Variants in TVP23A observed in about 807,000 individuals in gnomAD.
TVP23A encodes the protein trans-golgi network vesicle protein 23 homolog A, also known as Golgi apparatus membrane protein TVP23 homolog A.
A neutral mutation model predicts 31.7 loss-of-function variants in TVP23A; 21 were observed. That is an observed-to-expected ratio of 0.66 (90% CI 0.47 to 0.95). The LOEUF (loss-of-function observed/expected upper bound fraction) is 0.95. TVP23A is among the 40% of genes least tolerant of loss of function. TVP23A has a pLI of 0.00. For synonymous variants in TVP23A, 104 were observed against 96.0 expected (o/e 1.08, Z -0.49); for missense variants, 279 against 255.6 (o/e 1.09, Z -0.62).
downstream of TVP23A, among the ~76,000 whole-genome samples, chr16:10,765,770 T>C (rs955348600): frequency 3.3e-5 from 5 of 152,246 alleles, no homozygotes; most frequent in African/African-American, 1.2e-4. The surrounding 1 kb of genome is among the most constrained non-coding windows in gnomAD (Gnocchi z 4.0). Context: ...CAAGAGCTAA[T>C]TTCAAAGCAG....
chr16:10,762,818 G>A (rs1596468924), downstream of TVP23A, among the ~76,000 whole-genome samples: 1 of 152,076 alleles, frequency 6.6e-6, no homozygotes, highest in African/African-American at 2.4e-5. Context: ...CGCGTGCTTG[G>A]GGAGAGGGCG....
downstream of TVP23A, among the ~76,000 whole-genome samples, chr16:10,764,553 A>G (rs62027823): frequency 7.2e-6 from 1 of 138,836 alleles, no homozygotes; most frequent in Non-Finnish European, 1.5e-5. Flanking sequence ...GTATTTGTCT[A>G]TTGGAGCATC....
At chr16:10,773,936 G>T (rs1033830204) in intron 4 of TVP23A, 103 bp downstream of exon 4, 3 of 917,858 alleles carry the variant, frequency 3.3e-6, no homozygotes, top group African/African-American at 1.7e-5. Context: ...TGGCTTTTGT[G>T]TAAGGCAGGA....
rs369235815 is a variant in TVP23A at position 10,773,379 on chromosome 16, T to A, written c.387A>T (p.Ile129=). 6.2e-7 allele frequency: 1 copy of A among 1,612,274 alleles called. No homozygotes were observed. The highest frequency in any genetic ancestry group is 1.1e-5 in the South Asian group (1 of 90,404). Residue 129 remains isoleucine, a synonymous_variant, in exon 5 of 8, where the codon ATA becomes ATT. Coordinates refer to ENST00000299866, the MANE Select transcript of TVP23A (RefSeq NM_001079512.4). Reference sequence around the variant, plus strand: ...ACACAATCCATATCATGGGGCAGATTATGAGGCCCAGCCAGAAGATTCGTG... The same window carrying A: ...ACACAATCCATATCATGGGGCAGATAATGAGGCCCAGCCAGAAGATTCGTG... ...AEARIFWLGL[I]ICPMIWIVFF... is the part of the protein sequence containing the mutation.
chr16:10,774,793 T>C (rs185461251), intron 3 of TVP23A, among the ~76,000 whole-genome samples, 159 bp downstream of exon 3: 65 of 152,070 alleles, frequency 4.3e-4, no homozygotes, highest in African/African-American at 1.5e-3. Flanking sequence ...GTATTTTTAG[T>C]AGAGACGGGG....
Position 10,779,418 on chromosome 16 carries a change from G to A in TVP23A, c.90-4322C>T, listed in dbSNP as rs554416373. On this transcript the variant is annotated intron_variant, in intron 2 of 7. Transcript: ENST00000299866. The surrounding 1 kb of genome is among the most constrained non-coding windows in gnomAD (Gnocchi z 4.9). ...GTCCTGTCCACTCGTCTCTGCCATC[G>A]GGTCCTCCATCCTCCTGCTCCCCAG... Among the ~76,000 whole-genome samples the A allele has an allele frequency of 2.0e-5, 3 of 151,890 alleles. No homozygotes were observed. The highest frequency in any genetic ancestry group is 1.9e-4 in the East Asian group (1 of 5,170).
intron 2 of TVP23A, among the ~76,000 whole-genome samples, chr16:10,797,185 T>C (rs2033435116): frequency 1.4e-5 from 2 of 147,994 alleles, no homozygotes; most frequent in Non-Finnish European, 3.0e-5. Flanking sequence ...CAAGACCCTG[T>C]AGAAAAAAAA....
downstream of TVP23A, among the ~76,000 whole-genome samples, chr16:10,757,655 A>T (rs1900647615): frequency 6.6e-6 from 1 of 152,196 alleles, no homozygotes; most frequent in Non-Finnish European, 1.5e-5. This position sits in a 1 kb window ranked among gnomAD's most constrained non-coding sequence, Gnocchi z 4.1. Flanking sequence ...CAAAGGCACA[A>T]AAAGATCAGA....
At chr16:10,793,420 T>C (rs538482165) in intron 2 of TVP23A, among the ~76,000 whole-genome samples, 1 of 152,246 alleles carries the variant, frequency 6.6e-6, no homozygotes, top group South Asian at 2.1e-4. Flanking sequence ...GTGTGTGGCT[T>C]CTAACCCTTC....
rs1445358445 is a variant in TVP23A at position 10,767,570 on chromosome 16, C to T, written c.*1532G>A. The T allele has an allele frequency of 2.2e-6, 1 of 448,040 alleles. No homozygotes were observed. Among genetic ancestry groups the T allele is most frequent in the African/African-American group, 2.0e-5 (1 of 49,814 alleles). 27.8% of individuals were successfully genotyped at this position (448,040 alleles called of 1,614,324 possible). A position where few individuals can be genotyped will look rare whatever the true frequency, so the allele number is the denominator to read the frequency against. Reference sequence around the variant, plus strand: ...CACTAGTAGCCCTTTTCGGACTTGGCCTTTTATGCCATATCCTTTTGCATT... The same window carrying T: ...CACTAGTAGCCCTTTTCGGACTTGGTCTTTTATGCCATATCCTTTTGCATT... On this transcript the variant is annotated 3_prime_UTR_variant, in exon 8 of 8. Transcript: ENST00000299866. The surrounding 1 kb of genome is among the most constrained non-coding windows in gnomAD (Gnocchi z 4.6).
At chr16:10,807,100 TC>T (rs2033980828) in intron 2 of TVP23A, among the ~76,000 whole-genome samples, 2 of 152,250 alleles carry the variant, frequency 1.3e-5, no homozygotes, top group South Asian at 4.1e-4. Flanking sequence ...ATAACTTTGT[TC>T]CCCAAAAGCT....
chr16:10,761,466 A>C (rs1341817595), exon 9 of TVP23A: 11 of 1,613,560 alleles, frequency 6.8e-6, no homozygotes, highest in Non-Finnish European at 9.3e-6. Flanking sequence ...CATCTGTCCT[A>C]AGTGCAAGGT....
intron 2 of TVP23A, among the ~76,000 whole-genome samples, chr16:10,799,879 G>C (rs1322110832): frequency 6.6e-6 from 1 of 152,162 alleles, no homozygotes; most frequent in Non-Finnish European, 1.5e-5. Context: ...AGAGGCCCGA[G>C]ACTGACTTTC....
At chr16:10,788,944 G>T (rs377403859) in intron 2 of TVP23A, among the ~76,000 whole-genome samples, 1 of 152,254 alleles carries the variant, frequency 6.6e-6, no homozygotes, top group East Asian at 1.9e-4. Context: ...GCAATTAGGA[G>T]GCTTTCCTCC....
intron 2 of TVP23A, among the ~76,000 whole-genome samples, chr16:10,808,271 C>A (rs1479049168): frequency 6.6e-6 from 1 of 152,200 alleles, no homozygotes; most frequent in Non-Finnish European, 1.5e-5. Context: ...AAGCGGGGCT[C>A]ATGTCCAGGA....
chr16:10,798,458 T>C (rs1326392349), intron 2 of TVP23A, among the ~76,000 whole-genome samples: 2 of 152,172 alleles, frequency 1.3e-5, no homozygotes, highest in Admixed American at 6.5e-5. Flanking sequence ...CGTTTGTTCC[T>C]TCTTTGGGAT....
intron 2 of TVP23A, among the ~76,000 whole-genome samples, chr16:10,793,370 T>TG (rs766855321): frequency 5.3e-5 from 8 of 151,980 alleles, no homozygotes; most frequent in Non-Finnish European, 8.8e-5. Context: ...AGGGACAAGT[T>TG]GGGGGGGTGC....
At chr16:10,773,782 G>A (rs533592274) in intron 4 of TVP23A, among the ~76,000 whole-genome samples, 81 of 152,112 alleles carry the variant, frequency 5.3e-4, no homozygotes, top group Admixed American at 2.0e-3. Flanking sequence ...TGTTGCCCAG[G>A]CTAGTCTCAA....
chr16:10,770,362 T>C (rs1191042040), intron 6 of TVP23A, 31 bp from the exon 7 acceptor site: 11 of 1,549,084 alleles, frequency 7.1e-6, no homozygotes, highest in Non-Finnish European at 9.6e-6. Flanking sequence ...CATGGTTTTC[T>C]GTCCTTACAC....
Sources: gnomAD v4.1 joint callset for allele counts (sites outside exome capture counted in the v4.1 genomes callset) on GRCh38, gnomAD v4.1.1 for gene constraint, Gnocchi (gnomAD v3.1) non-coding constraint, MANE v1.5 for transcripts, NCBI Gene and HGNC (gene_info 2026-07-23, HGNC 2026-07-21) for gene names.